PDE3B: variants seen among roughly 807,000 people sequenced by gnomAD.
PDE3B encodes the protein cGMP-inhibited 3',5'-cyclic phosphodiesterase 3B.
Under a neutral mutation model 116.8 loss-of-function variants are expected in PDE3B, and 66 were observed. The ratio of observed to expected loss-of-function variants is 0.56; its 90% CI spans 0.46 to 0.69. The LOEUF (loss-of-function observed/expected upper bound fraction) is 0.69, where lower values mean the gene tolerates loss of function less well. Ranked by LOEUF, PDE3B falls within the 30% of genes least tolerant of loss-of-function variation. PDE3B has a pLI of 0.00. For synonymous variants in PDE3B, 595 were observed against 533.6 expected (o/e 1.12, Z -1.59); for missense variants, 1,384 against 1,368.1 (o/e 1.01, Z -0.18).
At chr11:14,898,379 T>C in the PDE3B span, among the ~76,000 whole-genome samples, 3 of 152,248 alleles carry the variant, frequency 2.0e-5, no homozygotes, top group South Asian at 6.2e-4. Context: ...AATTGTACAC[T>C]TCTGCTGTCC....
At chr11:14,741,628 A>T (rs1385617771) in intron 1 of PDE3B, among the ~76,000 whole-genome samples, 1 of 152,122 alleles carries the variant, frequency 6.6e-6, no homozygotes, top group Non-Finnish European at 1.5e-5. Context: ...TGATCCTGTC[A>T]TTATGATGCT....
chr11:14,688,606 A>G (rs992528686), intron 1 of PDE3B, among the ~76,000 whole-genome samples: 6 of 152,016 alleles, frequency 3.9e-5, no homozygotes, highest in Non-Finnish European at 8.8e-5. Context: ...TATTTATTTT[A>G]TTTCTCAGAA....
intron 4 of PDE3B, among the ~76,000 whole-genome samples, chr11:14,801,675 T>C (rs2057480165): frequency 6.6e-6 from 1 of 152,220 alleles, no homozygotes; most frequent in Admixed American, 6.5e-5. Context: ...CTGGGAGGTC[T>C]GCTACTCTCT....
chr11:14,778,418 T>C (rs1052257837), intron 2 of PDE3B, among the ~76,000 whole-genome samples: 5 of 152,142 alleles, frequency 3.3e-5, no homozygotes, highest in African/African-American at 2.4e-5. Context: ...CATCTCCCAG[T>C]AGGGGCTGAC....
chr11:14,652,784 T>A (rs1853606007), intron 1 of PDE3B, among the ~76,000 whole-genome samples: 1 of 152,204 alleles, frequency 6.6e-6, no homozygotes, highest in South Asian at 2.1e-4. Context: ...CATACAGTAT[T>A]TTTTTGTGAC....
chr11:14,768,419 T>C (rs1452060114), intron 1 of PDE3B, among the ~76,000 whole-genome samples: 1 of 151,502 alleles, frequency 6.6e-6, no homozygotes, highest in African/African-American at 2.4e-5. Flanking sequence ...GTATTTCTAA[T>C]AAGCATATCG....
intron 12 of PDE3B, among the ~76,000 whole-genome samples, chr11:14,851,897 T>G (rs893125090): frequency 1.3e-5 from 2 of 152,184 alleles, no homozygotes; most frequent in African/African-American, 4.8e-5. Flanking sequence ...TGACCTCAAA[T>G]AAAGGTTTAT....
chr11:14,804,766 T>G (rs1033630727), intron 5 of PDE3B, among the ~76,000 whole-genome samples: 1 of 152,018 alleles, frequency 6.6e-6, no homozygotes, highest in Non-Finnish European at 1.5e-5. Flanking sequence ...ACAATGATGT[T>G]TAAAAGGAAA....
intron 1 of PDE3B, among the ~76,000 whole-genome samples, chr11:14,715,910 G>A (rs958544877): frequency 2.6e-5 from 4 of 152,116 alleles, no homozygotes; most frequent in South Asian, 2.1e-4. Context: ...GCACATAGTG[G>A]GAGGAGCCAA....
chr11:14,645,525 C>T (rs1257748813), intron 1 of PDE3B, among the ~76,000 whole-genome samples: 1 of 151,996 alleles, frequency 6.6e-6, no homozygotes, highest in Non-Finnish European at 1.5e-5. Context: ...AGTGTGGTTT[C>T]GTTATTGAAA....
chr11:14,885,659 A>T, the PDE3B span: 1 of 1,115,968 alleles, frequency 9.0e-7, no homozygotes, highest in East Asian at 2.6e-5. Context: ...TTCTGTAAAT[A>T]AATAGTTTCT....
At chr11:14,892,442 A>G in the PDE3B span, among the ~76,000 whole-genome samples, 3 of 152,198 alleles carry the variant, frequency 2.0e-5, no homozygotes, top group African/African-American at 4.8e-5. Flanking sequence ...GCGCGGCTCT[A>G]GGCGGAGCAA....
chr11:14,722,164 T>A (rs1245845687), intron 1 of PDE3B, among the ~76,000 whole-genome samples: 2 of 126,090 alleles, frequency 1.6e-5, no homozygotes, highest in Admixed American at 1.8e-4. Context: ...TGTTGTGGAA[T>A]AGGGGGACGG....
At chr11:14,775,454 C>T (rs1407560827) in intron 2 of PDE3B, 2 of 152,062 alleles carry the variant, frequency 1.3e-5, no homozygotes, top group Non-Finnish European at 2.9e-5. Flanking sequence ...CAAATGCTAC[C>T]CCTTCCATAA....
rs568981094 is a variant in PDE3B, at chr11:14,710,796, T to C, written c.979-61141T>C. ...TCCTATAGCTCTTCTTTCAGAGATA[T>C]GCCAGTCTCCTTTCCAGCTTTGTGA... is the stretch of plus-strand genomic sequence containing the variant. On this transcript the variant is annotated intron_variant, in intron 1 of 15. Coordinates refer to ENST00000282096, the MANE Select transcript of PDE3B (RefSeq NM_000922.4). Among the ~76,000 whole-genome samples, 433 of 152,354 alleles carry C rather than the reference T, an allele frequency of 2.8e-3. 1 individual carries two copies. Among genetic ancestry groups the C allele is most frequent in the South Asian group, 9.7e-3 (47 of 4,832 alleles).
At position 14,867,701 on chromosome 11, in the gene PDE3B, G is replaced by A. The variant is rs1225245907; in HGVS notation, c.3082G>A (p.Glu1028Lys). ...EDNDTESGDD[E>K]DGEELDTEDE... ...TAATGATACTGAAAGTGGTGATGATGAAGACGGTGAAGAATTAGATACAGA... is the reference window on the plus strand; with the variant it reads ...TAATGATACTGAAAGTGGTGATGATAAAGACGGTGAAGAATTAGATACAGA... Residue 1028 changes from glutamate (E) to lysine (K), a missense_variant, in exon 15 of 16, where the codon GAA (glutamate) becomes AAA (lysine). Transcript: ENST00000282096. 8.1e-6 allele frequency: 13 copies of A among 1,613,098 alleles called. No homozygotes were observed. The African/African-American group carries it at 1.7e-4, about 22-fold the overall frequency.
At chr11:14,777,698 A>G (rs963475053) in intron 2 of PDE3B, among the ~76,000 whole-genome samples, 36 of 152,178 alleles carry the variant, frequency 2.4e-4, no homozygotes, top group African/African-American at 8.4e-4. Flanking sequence ...CTGAATAGGA[A>G]CAGCTCCAGT....
the PDE3B span, chr11:14,887,695 T>G: frequency 2.1e-6 from 2 of 964,038 alleles, no homozygotes; most frequent in African/African-American, 3.5e-5. Context: ...CTCATAATTT[T>G]TCACTCTCCC....
At chr11:14,888,869 G>T in the PDE3B span, among the ~76,000 whole-genome samples, 2 of 152,146 alleles carry the variant, frequency 1.3e-5, no homozygotes, top group Admixed American at 6.5e-5. Flanking sequence ...TCCATTACCT[G>T]AAAATAATCG....
Sources: gnomAD v4.1 joint callset for allele counts (sites outside exome capture counted in the v4.1 genomes callset) on GRCh38, gnomAD v4.1.1 for gene constraint, MANE v1.5 for transcripts, NCBI Gene and HGNC (gene_info 2026-07-23, HGNC 2026-07-21) for gene names.